Variants in ROBO1 observed in about 807,000 individuals in gnomAD.
ROBO1 encodes roundabout homolog 1.
Under a neutral mutation model 195.9 loss-of-function variants are expected in ROBO1, and 149 were observed. The ratio of observed to expected loss-of-function variants is 0.76; its 90% CI spans 0.67 to 0.87. The LOEUF (loss-of-function observed/expected upper bound fraction) is 0.87. Among genes scored for constraint, ROBO1 ranks in the 40% least tolerant of loss-of-function variants. ROBO1 has a pLI of 0.00. For missense variants in ROBO1, 1,933 were observed against 2,068.3 expected, an observed-to-expected ratio of 0.93 and a Z score of 1.27; for synonymous variants, 816 against 733.2, an observed-to-expected ratio of 1.11 and a Z score of -1.82.
At chr3:79,737,003 G>A (rs1269917287) in intron 1 of ROBO1, among the ~76,000 whole-genome samples, 4 of 152,122 alleles carry the variant, frequency 2.6e-5, no homozygotes, top group Non-Finnish European at 5.9e-5. Context: ...TGTACTGGAT[G>A]TATTGCTCAG....
At chr3:78,754,683 A>C (rs1373440487) in intron 4 of ROBO1, among the ~76,000 whole-genome samples, 1 of 152,164 alleles carries the variant, frequency 6.6e-6, no homozygotes, top group Non-Finnish European at 1.5e-5. Context: ...CTATAGTTGT[A>C]GTGCTTGGGG....
chr3:78,701,740 GT>G (rs1014372310), intron 8 of ROBO1, among the ~76,000 whole-genome samples: 4 of 152,056 alleles, frequency 2.6e-5, no homozygotes, highest in African/African-American at 9.7e-5. Flanking sequence ...TATCTATCAG[GT>G]TTAGTTGTGC....
chr3:78,751,390 G>A (rs913208004), intron 4 of ROBO1, among the ~76,000 whole-genome samples: 4 of 152,100 alleles, frequency 2.6e-5, no homozygotes, highest in African/African-American at 7.2e-5. Flanking sequence ...AGGAACCTTA[G>A]TAAGTAACAA....
intron 2 of ROBO1, among the ~76,000 whole-genome samples, chr3:79,246,270 C>A (rs1436676517): frequency 2.0e-5 from 3 of 151,890 alleles, no homozygotes; most frequent in Admixed American, 2.0e-4. Flanking sequence ...CATGACAACC[C>A]CAGGAGGTAG....
intron 1 of ROBO1, among the ~76,000 whole-genome samples, chr3:79,753,982 A>G (rs2107489116): frequency 6.6e-6 from 1 of 152,358 alleles, no homozygotes; most frequent in African/African-American, 2.4e-5. Context: ...AACAGGAGAC[A>G]GCCAAAAAGG....
intron 2 of ROBO1, among the ~76,000 whole-genome samples, chr3:79,581,150 AT>A (rs201242291): frequency 3.4e-5 from 5 of 148,128 alleles, no homozygotes; most frequent in Admixed American, 2.7e-4. Flanking sequence ...TATTTATTTT[AT>A]TTTTTTTACC....
intron 2 of ROBO1, among the ~76,000 whole-genome samples, chr3:79,405,236 T>G (rs1351414151): frequency 6.6e-6 from 1 of 152,306 alleles, no homozygotes; most frequent in South Asian, 2.1e-4. Flanking sequence ...TGTAATGATA[T>G]GGAGATAGTC....
intron 3 of ROBO1, among the ~76,000 whole-genome samples, chr3:79,021,722 G>A (rs1425746202): frequency 7.0e-6 from 1 of 143,460 alleles, no homozygotes; most frequent in African/African-American, 2.6e-5. Context: ...GTGCAGTGGC[G>A]CGATCTCGGC....
intron 10 of ROBO1, among the ~76,000 whole-genome samples, chr3:78,674,418 G>C (rs1346610928): frequency 6.6e-6 from 1 of 152,268 alleles, no homozygotes; most frequent in East Asian, 1.9e-4. Flanking sequence ...ATAAATACCG[G>C]TATTTCCAGC....
intron 1 of ROBO1, among the ~76,000 whole-genome samples, chr3:79,710,014 T>C (rs1702211150): frequency 6.6e-6 from 1 of 152,068 alleles, no homozygotes; most frequent in East Asian, 1.9e-4. Flanking sequence ...AGCCACCCAG[T>C]CTATGAAATT....
At chr3:79,742,108 C>G (rs1703673087) in intron 1 of ROBO1, among the ~76,000 whole-genome samples, 1 of 152,168 alleles carries the variant, frequency 6.6e-6, no homozygotes, top group Non-Finnish European at 1.5e-5. Flanking sequence ...AAATTTGTAG[C>G]CTGGCCATGT....
At position 79,168,190 on chromosome 3, in the gene ROBO1, T is replaced by C. The variant is rs541899711; in HGVS notation, c.89-42651A>G. On this transcript the variant is annotated intron_variant, in intron 2 of 30. Coordinates refer to ENST00000464233, the MANE Select transcript of ROBO1 (RefSeq NM_002941.4). The stretch of plus-strand genomic sequence containing the variant: ...TGTGTGTGATTTGGCTAATTGCGTA[T>C]TCGGAGAAGAGCCAACAGTGACAGT... Among the ~76,000 whole-genome samples the C allele has an allele frequency of 8.5e-5, 13 of 152,232 alleles. 1 individual carries two copies. In the South Asian group the frequency reaches 2.7e-3, roughly 32 times the overall value.
chr3:79,710,564 G>A (rs1447983341), intron 1 of ROBO1, among the ~76,000 whole-genome samples: 1 of 152,122 alleles, frequency 6.6e-6, no homozygotes, highest in Non-Finnish European at 1.5e-5. Context: ...AACTTTTAAA[G>A]ATACGGTTTG....
At chr3:79,101,226 T>C (rs1263706483) in intron 3 of ROBO1, among the ~76,000 whole-genome samples, 1 of 151,756 alleles carries the variant, frequency 6.6e-6, no homozygotes, top group Non-Finnish European at 1.5e-5. Context: ...AGCCTAATGA[T>C]ATTCATGAGT....
chr3:79,479,613 CT>C (rs1938731673), intron 2 of ROBO1, among the ~76,000 whole-genome samples: 1 of 152,102 alleles, frequency 6.6e-6, no homozygotes, highest in African/African-American at 2.4e-5. Flanking sequence ...TCTGTCAAAC[CT>C]TTGGAAAGTT....
Position 79,180,025 on chromosome 3 carries a change from T to C in ROBO1, c.89-54486A>G, listed in dbSNP as rs549920500. On this transcript the variant is annotated intron_variant, in intron 2 of 30. Transcript: ENST00000464233. ...CAGTTTTAACTTGTCCCCTTTCTTT[T>C]ATCCAATAGTATCTTCTAATCTCAA... Among the ~76,000 whole-genome samples, 92 of 152,344 alleles carry C rather than the reference T, an allele frequency of 6.0e-4. 2 individuals are homozygous for C. The South Asian group carries it at 0.018, about 29-fold the overall frequency.
intron 2 of ROBO1, among the ~76,000 whole-genome samples, chr3:79,414,330 T>G (rs1162439460): frequency 6.6e-6 from 1 of 152,022 alleles, no homozygotes; most frequent in African/African-American, 2.4e-5. Context: ...TTCTTTATAT[T>G]CCTAAATTCA....
intron 23 of ROBO1, 73 bp from the exon 24 acceptor site, chr3:78,634,115 C>G: frequency 2.0e-6 from 2 of 996,442 alleles, no homozygotes; most frequent in South Asian, 3.2e-5. Context: ...TCTGCTTTCT[C>G]TATATTTCTG....
intron 28 of ROBO1, among the ~76,000 whole-genome samples, chr3:78,609,637 A>C (rs1703672087): frequency 6.6e-6 from 1 of 152,330 alleles, no homozygotes; most frequent in South Asian, 2.1e-4. Flanking sequence ...CTATGACTAC[A>C]TCACTATTTT....
Sources: gnomAD v4.1 joint callset for allele counts (sites outside exome capture counted in the v4.1 genomes callset) on GRCh38, gnomAD v4.1.1 for gene constraint, MANE v1.5 for transcripts, NCBI Gene and HGNC (gene_info 2026-07-23, HGNC 2026-07-21) for gene names.